EYS: variants seen among roughly 807,000 people sequenced by gnomAD.
EYS encodes the protein protein eyes shut homolog.
EYS carries 250 observed loss-of-function variants against 282.1 expected under a neutral mutation model. The observed-to-expected ratio is 0.89, with a 90% CI of 0.80 to 0.98. EYS has a LOEUF of 0.98. EYS is among the 50% of genes least tolerant of loss of function. EYS has a pLI of 0.00. For missense variants in EYS, 4,016 were observed against 3,709.0 expected, an observed-to-expected ratio of 1.08 and a Z score of -2.15; for synonymous variants, 1,355 against 1,282.9, an observed-to-expected ratio of 1.06 and a Z score of -1.20.
At chr6:65,533,691 A>G (rs2127311721) in intron 2 of EYS, among the ~76,000 whole-genome samples, 1 of 152,270 alleles carries the variant, frequency 6.6e-6, no homozygotes, top group Admixed American at 6.5e-5. Flanking sequence ...ATTCAGCAAT[A>G]TGAGGACACA....
At chr6:65,147,844 G>T (rs962303983) in intron 12 of EYS, among the ~76,000 whole-genome samples, 1 of 152,034 alleles carries the variant, frequency 6.6e-6, no homozygotes, top group Non-Finnish European at 1.5e-5. Context: ...CATGGTGGAA[G>T]GGGAAACAAA....
intron 16 of EYS, among the ~76,000 whole-genome samples, chr6:64,908,877 G>A (rs1241784448): frequency 6.6e-6 from 1 of 152,008 alleles, no homozygotes; most frequent in African/African-American, 2.4e-5. Context: ...ATAGGTGAAG[G>A]GTGGGGATCA....
intron 26 of EYS, among the ~76,000 whole-genome samples, chr6:64,502,287 C>T (rs1350486806): frequency 6.6e-6 from 1 of 151,982 alleles, no homozygotes; most frequent in African/African-American, 2.4e-5. Context: ...GTCGCCCAGG[C>T]TGGAGCTCAG....
chr6:65,374,158 T>C (rs9363354), intron 8 of EYS, among the ~76,000 whole-genome samples: 62,388 of 151,572 alleles, frequency 0.41, 13,775 homozygotes, highest in South Asian at 0.5. Flanking sequence ...GCAGGTGATT[T>C]CTAATTTCTG....
intron 26 of EYS, among the ~76,000 whole-genome samples, chr6:64,587,025 C>T (rs373620798): frequency 1.3e-5 from 2 of 151,986 alleles, no homozygotes; most frequent in Non-Finnish European, 2.9e-5. Flanking sequence ...GTTTCAAAGA[C>T]GTCAGAGAAA....
At chr6:63,849,037 G>T (rs370264976) in intron 36 of EYS, among the ~76,000 whole-genome samples, 1 of 152,182 alleles carries the variant, frequency 6.6e-6, no homozygotes, top group Non-Finnish European at 1.5e-5. Flanking sequence ...TTGAGTAGGC[G>T]GTTTTCCCCT....
At chr6:65,634,291 C>A (rs1477777779) in intron 2 of EYS, among the ~76,000 whole-genome samples, 9 of 152,098 alleles carry the variant, frequency 5.9e-5, no homozygotes, top group Admixed American at 4.6e-4. Flanking sequence ...ATAAAGGATT[C>A]TCTACATATG....
intron 12 of EYS, among the ~76,000 whole-genome samples, chr6:65,289,189 G>T (rs542206927): frequency 1.3e-5 from 2 of 150,680 alleles, no homozygotes; most frequent in Non-Finnish European, 3.0e-5. Flanking sequence ...TACAAATATG[G>T]ATTAAAATAA....
chr6:65,480,287 C>T (rs1419705317), intron 5 of EYS, among the ~76,000 whole-genome samples: 1 of 152,090 alleles, frequency 6.6e-6, no homozygotes, highest in African/African-American at 2.4e-5. Flanking sequence ...TTCTACATAT[C>T]ACTAATAAAA....
At chr6:65,335,621 G>C (rs1769958527) in intron 10 of EYS, among the ~76,000 whole-genome samples, 1 of 151,584 alleles carries the variant, frequency 6.6e-6, no homozygotes, top group Non-Finnish European at 1.5e-5. Context: ...GCTTCAAAGA[G>C]AACATGGGAT....
At chr6:64,184,504 C>G (rs897170668) in intron 31 of EYS, among the ~76,000 whole-genome samples, 1 of 152,030 alleles carries the variant, frequency 6.6e-6, no homozygotes, top group Non-Finnish European at 1.5e-5. Context: ...CATAAAGCCA[C>G]TTCGCTTTCT....
At chr6:64,614,506 G>A (rs1410688374) in intron 24 of EYS, among the ~76,000 whole-genome samples, 2 of 152,052 alleles carry the variant, frequency 1.3e-5, no homozygotes, top group African/African-American at 2.4e-5. Flanking sequence ...AATATGCTAT[G>A]AGCAGTAATA....
rs1764872847 is a variant in EYS at position 65,581,560 on chromosome 6, G to T, written c.-333+58218C>A. On this transcript the variant is annotated intron_variant, in intron 2 of 42. Transcript: ENST00000503581. ...AGTCAATGAGGGAAACAAAAATGTTGCTTTACAACAATCCCTCCTAATGTT... is the reference window on the plus strand; with the variant it reads ...AGTCAATGAGGGAAACAAAAATGTTTCTTTACAACAATCCCTCCTAATGTT... 2.0e-5 allele frequency among the ~76,000 whole-genome samples: 3 copies of T among 151,988 alleles called. No homozygotes were observed. In the South Asian group the frequency reaches 6.2e-4, roughly 32 times the overall value.
chr6:65,691,179 C>T (rs1188472574), intron 1 of EYS, among the ~76,000 whole-genome samples: 1 of 150,254 alleles, frequency 6.7e-6, no homozygotes, highest in Non-Finnish European at 1.5e-5. Context: ...AATGGTTGAA[C>T]TAATTTACAC....
chr6:64,466,140 C>T (rs1034747812), intron 26 of EYS, among the ~76,000 whole-genome samples: 7 of 152,076 alleles, frequency 4.6e-5, no homozygotes, highest in Middle Eastern at 6.8e-3. Context: ...GACACTTGAA[C>T]ATTGTTGATA....
chr6:64,770,534 G>A (rs1226916269), intron 22 of EYS, among the ~76,000 whole-genome samples: 2 of 151,834 alleles, frequency 1.3e-5, no homozygotes, highest in Non-Finnish European at 2.9e-5. Context: ...AGAAATTGTA[G>A]ACATATTGAC....
intron 31 of EYS, among the ~76,000 whole-genome samples, chr6:64,207,720 C>T (rs146554776): frequency 1.4e-4 from 21 of 152,080 alleles, no homozygotes; most frequent in African/African-American, 4.1e-4. Context: ...TGCAGTGGTG[C>T]GACCTCGGAT....
chr6:65,395,604 T>C (rs562669319), intron 7 of EYS, among the ~76,000 whole-genome samples: 6 of 152,180 alleles, frequency 3.9e-5, no homozygotes, highest in Non-Finnish European at 8.8e-5. Flanking sequence ...GCTATAGTCA[T>C]TACCTTGAAC....
At chr6:64,300,171 TAAGAA>T (rs1261136821) in intron 30 of EYS, among the ~76,000 whole-genome samples, 5 of 152,030 alleles carry the variant, frequency 3.3e-5, no homozygotes, top group East Asian at 1.9e-4. Flanking sequence ...TATAAAAAAA[TAAGAA>T]AAGGCATTAG....
Sources: gnomAD v4.1 joint callset for allele counts (sites outside exome capture counted in the v4.1 genomes callset) on GRCh38, gnomAD v4.1.1 for gene constraint, MANE v1.5 for transcripts, NCBI Gene and HGNC (gene_info 2026-07-23, HGNC 2026-07-21) for gene names.